The following CYP2J2 variants were observed in gnomAD, a reference collection of about 807,000 sequenced individuals.
CYP2J2 encodes the protein cytochrome P450 family 2 subfamily J member 2.
In CYP2J2, 41 loss-of-function variants were observed where a neutral mutation model predicts 48.8. The observed-to-expected ratio is 0.84, with a 90% CI of 0.66 to 1.09. The LOEUF (loss-of-function observed/expected upper bound fraction) is 1.09. CYP2J2 is among the 50% of genes least tolerant of loss of function. The pLI, the probability that CYP2J2 is intolerant of heterozygous loss-of-function variation, is 0.00. For missense variants in CYP2J2, 644 were observed against 617.3 expected (o/e 1.04, Z -0.46); for synonymous variants, 221 against 227.1 (o/e 0.97, Z 0.24).
the CYP2J2 span, among the ~76,000 whole-genome samples, chr1:59,933,694 T>G: frequency 6.6e-6 from 1 of 152,166 alleles, no homozygotes; most frequent in Non-Finnish European, 1.5e-5. Context: ...AAAAGATTTG[T>G]GCATTGAAAA....
chr1:59,942,432 G>A, the CYP2J2 span, among the ~76,000 whole-genome samples: 2 of 152,086 alleles, frequency 1.3e-5, no homozygotes, highest in African/African-American at 4.8e-5. Context: ...TTCCTGTGGC[G>A]GGGCAGAGTG....
intron 1 of CYP2J2, among the ~76,000 whole-genome samples, chr1:59,916,531 C>T (rs576962895): frequency 2.4e-4 from 36 of 152,116 alleles, no homozygotes; most frequent in Non-Finnish European, 2.6e-4. Context: ...CCAAGGAGTT[C>T]GAGACCAGTC....
At chr1:59,923,708 A>G (rs1323901211) in intron 1 of CYP2J2, among the ~76,000 whole-genome samples, 1 of 152,216 alleles carries the variant, frequency 6.6e-6, no homozygotes, top group Non-Finnish European at 1.5e-5. Flanking sequence ...TGATAGCAGA[A>G]TCTGTGAATT....
At chr1:59,941,345 CACATT>C in the CYP2J2 span, among the ~76,000 whole-genome samples, 1,695 of 152,244 alleles carry the variant, frequency 0.011, 24 homozygotes, top group African/African-American at 0.039. Context: ...CATAGTGTAA[CACATT>C]ACTCACATAT....
the CYP2J2 span, among the ~76,000 whole-genome samples, chr1:59,967,917 C>T: frequency 1.0e-3 from 154 of 152,294 alleles, 1 homozygote; most frequent in African/African-American, 3.5e-3. Flanking sequence ...AACAGACAAA[C>T]AGCTGCACGG....
chr1:59,962,249 C>T, the CYP2J2 span, among the ~76,000 whole-genome samples: 1 of 152,216 alleles, frequency 6.6e-6, no homozygotes, highest in East Asian at 1.9e-4. Flanking sequence ...GGATATGTTG[C>T]ATTGAGTCAA....
At chr1:59,926,017 G>A (rs184570541) in intron 1 of CYP2J2, among the ~76,000 whole-genome samples, 5 of 152,266 alleles carry the variant, frequency 3.3e-5, no homozygotes, top group African/African-American at 4.8e-5. Flanking sequence ...TCAGTCAGGA[G>A]TCTGAACACC....
the CYP2J2 span, among the ~76,000 whole-genome samples, chr1:59,957,856 A>C: frequency 1.3e-5 from 2 of 152,172 alleles, no homozygotes; most frequent in African/African-American, 4.8e-5. Context: ...TTACTCTAAG[A>C]GACACCATAG....
intron 1 of CYP2J2, among the ~76,000 whole-genome samples, chr1:59,926,076 A>C (rs1002324346): frequency 6.6e-6 from 1 of 152,146 alleles, no homozygotes; most frequent in South Asian, 2.1e-4. Flanking sequence ...ATTATTACTT[A>C]GTGAGAGTGC....
the CYP2J2 span, among the ~76,000 whole-genome samples, chr1:59,940,161 C>T: frequency 6.6e-6 from 1 of 152,202 alleles, no homozygotes; most frequent in Non-Finnish European, 1.5e-5. Flanking sequence ...CCCATAGCCA[C>T]CACCGCTGGG....
At position 59,893,831 on chromosome 1, in the gene CYP2J2, T is replaced by C. The variant is rs746637093; in HGVS notation, c.1331-2A>G. The C allele has an allele frequency of 5.6e-6, 9 of 1,596,288 alleles. No homozygotes were observed. The highest frequency in any genetic ancestry group is 6.8e-6 in the Non-Finnish European group (8 of 1,172,064). ...GTTCTCCGAGGCATGCCCGCTTTCC[T>C]GTAAGACAAAATCAAAAGACGGGTT... On this transcript the variant is annotated splice_acceptor_variant, in intron 8 of 8. Transcript: ENST00000371204. LOFTEE classifies it high-confidence loss of function.
rs1475484552 is a variant in CYP2J2, at chr1:59,904,955, C to A, written c.1107G>T (p.Val369=). ...MPYTNAVIHE[V]QRMGNIIPLN... Reference sequence around the variant, plus strand: ...GGGGGATGATGTTGCCCATTCTCTGCACCTCATGGATGACAGCATTGGTGT... The same window carrying A: ...GGGGGATGATGTTGCCCATTCTCTGAACCTCATGGATGACAGCATTGGTGT... Residue 369 remains valine (V), a synonymous_variant, in exon 7 of 9, where the codon GTG becomes GTT. Transcript: ENST00000371204. 1 of 1,613,770 alleles carries A rather than the reference C, an allele frequency of 6.2e-7. No homozygotes were observed. The highest frequency in any genetic ancestry group is 8.5e-7 in the Non-Finnish European group (1 of 1,179,902).
upstream of CYP2J2, chr1:59,926,839 C>T (rs1644570524): frequency 1.7e-6 from 2 of 1,196,130 alleles, no homozygotes; most frequent in Non-Finnish European, 2.4e-6. Flanking sequence ...AGCCGTGCCC[C>T]GCCTCCCAGC....
intron 1 of CYP2J2, among the ~76,000 whole-genome samples, chr1:59,922,143 G>A (rs1467807541): frequency 6.6e-6 from 1 of 152,140 alleles, no homozygotes; most frequent in Non-Finnish European, 1.5e-5. Context: ...TGGGAACAAA[G>A]AAAGAGCCCT....
the CYP2J2 span, among the ~76,000 whole-genome samples, chr1:59,955,183 A>G: frequency 6.7e-6 from 1 of 149,330 alleles, no homozygotes; most frequent in South Asian, 2.1e-4. Flanking sequence ...TTAAAAAAAT[A>G]AAAAATATGT....
At chr1:59,912,722 A>G (rs1644428597) in intron 2 of CYP2J2, 1 of 169,614 alleles carries the variant, frequency 5.9e-6, no homozygotes, top group Non-Finnish European at 1.3e-5. Context: ...TTTGATTATT[A>G]GTTACATAAG....
chr1:59,931,238 C>A (rs1469513274), upstream of CYP2J2, among the ~76,000 whole-genome samples: 1 of 152,028 alleles, frequency 6.6e-6, no homozygotes, highest in African/African-American at 2.4e-5. Context: ...ACTTTAAATT[C>A]AAAATTGAAA....
chr1:59,900,361 C>T (rs1395794678), intron 8 of CYP2J2, among the ~76,000 whole-genome samples: 1 of 152,222 alleles, frequency 6.6e-6, no homozygotes, highest in Non-Finnish European at 1.5e-5. Flanking sequence ...GGTGTGGTGG[C>T]TCACACCTGT....
chr1:59,923,295 A>C (rs530094957), intron 1 of CYP2J2, among the ~76,000 whole-genome samples: 1 of 152,370 alleles, frequency 6.6e-6, no homozygotes, highest in Non-Finnish European at 1.5e-5. Flanking sequence ...TTGATATTTG[A>C]ACTGCCACCC....
Sources: gnomAD v4.1 joint callset for allele counts (sites outside exome capture counted in the v4.1 genomes callset) on GRCh38, gnomAD v4.1.1 for gene constraint, MANE v1.5 for transcripts, NCBI Gene and HGNC (gene_info 2026-07-23, HGNC 2026-07-21) for gene names.